Variants in PCSK5 observed in about 807,000 individuals in gnomAD.
The protein encoded by PCSK5 is proprotein convertase subtilisin/kexin type 5.
PCSK5 carries 129 observed loss-of-function variants against 233.2 expected under a neutral mutation model. The ratio of observed to expected loss-of-function variants is 0.55; its 90% CI spans 0.48 to 0.64. PCSK5 has a LOEUF of 0.64. Ranked by LOEUF, PCSK5 falls within the 30% of genes least tolerant of loss-of-function variation. The pLI, the probability that PCSK5 is intolerant of heterozygous loss-of-function variation, is 0.00. For synonymous variants in PCSK5, 825 were observed against 879.2 expected, an observed-to-expected ratio of 0.94 and a Z score of 1.09; for missense variants, 2,076 against 2,430.1, an observed-to-expected ratio of 0.85 and a Z score of 3.06.
At chr9:76,245,632 G>A (rs1179958658) in intron 24 of PCSK5, among the ~76,000 whole-genome samples, 1 of 152,176 alleles carries the variant, frequency 6.6e-6, no homozygotes, top group Non-Finnish European at 1.5e-5. Context: ...CAGAAGGAAT[G>A]AGGAAATATA....
intron 2 of PCSK5, among the ~76,000 whole-genome samples, chr9:75,970,926 CTTAAT>C (rs1391231212): frequency 1.3e-5 from 2 of 152,144 alleles, no homozygotes; most frequent in Non-Finnish European, 2.9e-5. Context: ...GCCTGGATAA[CTTAAT>C]TTTATTTTAA....
Position 76,189,133 on chromosome 9 carries a change from A to G in PCSK5, c.2420A>G (p.Tyr807Cys). ...ADGCINCTEGYFMEDGRCVQS... is the reference protein window; with the variant it reads ...ADGCINCTEGCFMEDGRCVQS... ...GGGTGCATTAACTGCACAGAGGGCT[A>G]CTTCATGGAGGATGGGAGATGCGTG... Residue 807 changes from tyrosine to cysteine, a missense_variant, in exon 19 of 38, where the codon TAC becomes TGC. By Grantham distance (194) the Tyr-to-Cys change is radical. This residue lies in a region of PCSK5 where 1,510 missense variants were observed against 1,538.1 expected (regional missense o/e 0.98). Transcript: ENST00000674117. The G allele has an allele frequency of 6.2e-7, 1 of 1,613,252 alleles. No homozygotes were observed. Among genetic ancestry groups the G allele is most frequent in the East Asian group, 2.2e-5 (1 of 44,856 alleles).
At chr9:76,079,073 T>C (rs936790364) in intron 7 of PCSK5, among the ~76,000 whole-genome samples, 62 of 151,978 alleles carry the variant, frequency 4.1e-4, no homozygotes, top group African/African-American at 1.4e-3. Flanking sequence ...GTATTTATTA[T>C]GTGTGTGTGG....
chr9:76,057,015 C>G (rs1361153123), intron 5 of PCSK5, among the ~76,000 whole-genome samples: 1 of 151,946 alleles, frequency 6.6e-6, no homozygotes, highest in Non-Finnish European at 1.5e-5. Context: ...TAAGAATTGA[C>G]TAGTAAAATT....
At chr9:76,038,809 C>A (rs867809188) in intron 5 of PCSK5, among the ~76,000 whole-genome samples, 1 of 152,220 alleles carries the variant, frequency 6.6e-6, no homozygotes, top group South Asian at 2.1e-4. Context: ...CTGAATGACA[C>A]CATTCCTGGG....
chr9:76,244,230 T>A (rs1826514259), intron 24 of PCSK5, among the ~76,000 whole-genome samples: 1 of 152,124 alleles, frequency 6.6e-6, no homozygotes, highest in Admixed American at 6.5e-5. Context: ...TTTCTCTAAA[T>A]AAATAAATAT....
chr9:76,006,267 A>G (rs1827475065), intron 3 of PCSK5, among the ~76,000 whole-genome samples: 1 of 152,064 alleles, frequency 6.6e-6, no homozygotes, highest in Non-Finnish European at 1.5e-5. Context: ...GCTCATTTAC[A>G]TTTATAAATA....
At chr9:75,908,365 A>G (rs1199771485) in intron 1 of PCSK5, among the ~76,000 whole-genome samples, 2 of 152,192 alleles carry the variant, frequency 1.3e-5, no homozygotes, top group African/African-American at 2.4e-5. Context: ...CTCATGGGAT[A>G]TATGGTTTGA....
Position 76,310,852 on chromosome 9 carries a change from G to A in PCSK5, c.3884+1G>A. 1 of 1,568,916 alleles carries A rather than the reference G, an allele frequency of 6.4e-7. No homozygotes were observed. The highest frequency in any genetic ancestry group is 8.6e-7 in the Non-Finnish European group (1 of 1,159,144). ...GCAGGTGCTACTCCAAGTGCCCGGAGTAAGTTTCCTTTTTAATTTTACTTC... is the reference window on the plus strand; with the variant it reads ...GCAGGTGCTACTCCAAGTGCCCGGAATAAGTTTCCTTTTTAATTTTACTTC... On this transcript the variant is annotated splice_donor_variant, in intron 30 of 37. Coordinates refer to ENST00000674117, the MANE Select transcript of PCSK5 (RefSeq NM_001372043.1). LOFTEE classifies it high-confidence loss of function.
intron 10 of PCSK5, among the ~76,000 whole-genome samples, chr9:76,150,782 A>T (rs1823639624): frequency 6.6e-6 from 1 of 152,206 alleles, no homozygotes; most frequent in Non-Finnish European, 1.5e-5. Flanking sequence ...TAAGAAGCTC[A>T]TGCTCCTTTC....
intron 20 of PCSK5, among the ~76,000 whole-genome samples, chr9:76,222,524 G>A (rs893826417): frequency 2.5e-4 from 38 of 152,008 alleles, no homozygotes; most frequent in African/African-American, 8.9e-4. Flanking sequence ...TTAGGCCCTG[G>A]AAACTACAAT....
chr9:76,080,367 A>G (rs2131618640), intron 7 of PCSK5, among the ~76,000 whole-genome samples: 1 of 151,992 alleles, frequency 6.6e-6, no homozygotes, highest in Admixed American at 6.6e-5. Context: ...TAATTATTAT[A>G]CCTCCTTCTA....
At chr9:76,350,487 G>C (rs1244192141) in intron 35 of PCSK5, among the ~76,000 whole-genome samples, 2 of 152,046 alleles carry the variant, frequency 1.3e-5, no homozygotes, top group Non-Finnish European at 2.9e-5. Flanking sequence ...CCAAACACTT[G>C]GTAACATCCT....
intron 24 of PCSK5, among the ~76,000 whole-genome samples, chr9:76,243,274 G>C (rs372690503): frequency 2.6e-5 from 4 of 152,122 alleles, no homozygotes; most frequent in Admixed American, 6.5e-5. Context: ...CTGAGTGCTC[G>C]CCTTGATGGG....
At chr9:75,927,822 A>G (rs893864276) in intron 1 of PCSK5, among the ~76,000 whole-genome samples, 2 of 152,218 alleles carry the variant, frequency 1.3e-5, no homozygotes, top group African/African-American at 4.8e-5. Flanking sequence ...TTATTTTTTG[A>G]AATTACAGGC....
intron 24 of PCSK5, among the ~76,000 whole-genome samples, chr9:76,284,448 G>A (rs1417751814): frequency 1.3e-5 from 2 of 150,786 alleles, no homozygotes; most frequent in African/African-American, 4.9e-5. Context: ...ACATGTCTTT[G>A]CTTCTCCTTC....
rs1832108429 is a variant in PCSK5, at chr9:76,109,327, C to G, written c.1208+1976C>G. Among the ~76,000 whole-genome samples, 4 of 152,176 alleles carry G rather than the reference C, an allele frequency of 2.6e-5. No individual in the cohort carries two copies. The East Asian group carries it at 7.7e-4, about 29-fold the overall frequency. On this transcript the variant is annotated intron_variant, in intron 9 of 37. Coordinates refer to ENST00000674117, the MANE Select transcript of PCSK5 (RefSeq NM_001372043.1). ...TTAGGAATTCCTCTACCATGCTCCC[C>G]CTCAAAGGCTATCTCAAACTAAAAC...
At chr9:76,106,701 T>C (rs1831992546) in intron 8 of PCSK5, among the ~76,000 whole-genome samples, 1 of 152,248 alleles carries the variant, frequency 6.6e-6, no homozygotes, top group Admixed American at 6.5e-5. Flanking sequence ...AACATTTCTA[T>C]TGATTCTAGA....
intron 7 of PCSK5, among the ~76,000 whole-genome samples, chr9:76,092,600 T>C (rs1219608928): frequency 6.6e-6 from 1 of 152,210 alleles, no homozygotes; most frequent in Non-Finnish European, 1.5e-5. Flanking sequence ...GGTCTCGCTA[T>C]GTTGCCCAGG....
Sources: gnomAD v4.1 joint callset for allele counts (sites outside exome capture counted in the v4.1 genomes callset) on GRCh38, gnomAD v4.1.1 for gene constraint, gnomAD v4.1.1 regional missense constraint, MANE v1.5 for transcripts, NCBI Gene and HGNC (gene_info 2026-07-23, HGNC 2026-07-21) for gene names.